The following SMIM35 variants were observed in gnomAD, a reference collection of about 807,000 sequenced individuals.
SMIM35 encodes small integral membrane protein 35, also known as TMPRSS4 antisense RNA 1 (non-protein coding).
At chr11:118,022,160 C>T (rs2058236045) in intron 1 of SMIM35, among the ~76,000 whole-genome samples, 1 of 150,536 alleles carries the variant, frequency 6.6e-6, no homozygotes, top group Admixed American at 6.7e-5. Flanking sequence ...AAGTGATTCT[C>T]CTGCCTCAGC....
intron 1 of SMIM35, among the ~76,000 whole-genome samples, chr11:118,033,610 G>A (rs2058336082): frequency 6.6e-6 from 1 of 152,142 alleles, no homozygotes; most frequent in African/African-American, 2.4e-5. Flanking sequence ...CTCAAACATG[G>A]AAGGGTGAAC....
chr11:118,077,791 C>A (rs769548291), intron 1 of SMIM35, among the ~76,000 whole-genome samples: 2 of 152,012 alleles, frequency 1.3e-5, no homozygotes, highest in Non-Finnish European at 2.9e-5. Flanking sequence ...GCAGACAGAT[C>A]TCTCGAGGTC....
intron 1 of SMIM35, among the ~76,000 whole-genome samples, chr11:118,045,192 G>T (rs903266323): frequency 3.3e-5 from 5 of 152,122 alleles, no homozygotes; most frequent in African/African-American, 1.2e-4. Flanking sequence ...GTTTTATGGA[G>T]CCTACACTTT....
At chr11:118,021,390 C>T (rs950016468) in intron 1 of SMIM35, among the ~76,000 whole-genome samples, 6 of 152,060 alleles carry the variant, frequency 3.9e-5, no homozygotes, top group African/African-American at 1.2e-4. Flanking sequence ...TGCTATTAAT[C>T]ATCCTTAGTG....
chr11:118,076,825 T>C (rs369874140), intron 1 of SMIM35, among the ~76,000 whole-genome samples: 4 of 151,764 alleles, frequency 2.6e-5, no homozygotes, highest in Middle Eastern at 3.4e-3. Context: ...ACCTAGAAGG[T>C]AGGGGGAGGG....
intron 1 of SMIM35, among the ~76,000 whole-genome samples, chr11:118,057,348 C>T (rs1485176122): frequency 6.6e-6 from 1 of 152,176 alleles, no homozygotes; most frequent in Non-Finnish European, 1.5e-5. Flanking sequence ...TCTCTGCTTC[C>T]TCTGTGCAGT....
At chr11:118,035,898 T>TGTTTGACAGAGTCGAGTCTCGCTCTA (rs2058356214) in intron 1 of SMIM35, among the ~76,000 whole-genome samples, 1 of 152,206 alleles carries the variant, frequency 6.6e-6, no homozygotes, top group Non-Finnish European at 1.5e-5. Flanking sequence ...TTTGTTTGTT[T>TGTTTGACAGAGTCGAGTCTCGCTCTA]GTTTGACAGA....
chr11:118,064,216 C>T (rs1458043350), intron 1 of SMIM35, among the ~76,000 whole-genome samples: 1 of 152,284 alleles, frequency 6.6e-6, no homozygotes, highest in African/African-American at 2.4e-5. Context: ...ATGATTGTGG[C>T]GTGAGAACCA....
At chr11:118,039,654 G>A (rs1448502700) in intron 1 of SMIM35, among the ~76,000 whole-genome samples, 1 of 151,944 alleles carries the variant, frequency 6.6e-6, no homozygotes, top group Non-Finnish European at 1.5e-5. Flanking sequence ...AGGATGCAGT[G>A]AGCCATGACC....
At chr11:118,012,524 G>C (rs1454084958) in intron 4 of SMIM35, among the ~76,000 whole-genome samples, 1 of 152,206 alleles carries the variant, frequency 6.6e-6, no homozygotes, top group Non-Finnish European at 1.5e-5. Context: ...GCAGAACACT[G>C]TAATGTAGAA....
At chr11:118,054,159 TTTTTGTTTTG>T (rs1322467022) in intron 1 of SMIM35, among the ~76,000 whole-genome samples, 1 of 115,160 alleles carries the variant, frequency 8.7e-6, no homozygotes, top group Non-Finnish European at 1.9e-5. Context: ...TTTTGGGATT[TTTTTGTTTTG>T]TTTTTTTGTT....
At chr11:118,059,840 G>A (rs1944369625) in intron 1 of SMIM35, among the ~76,000 whole-genome samples, 2 of 152,194 alleles carry the variant, frequency 1.3e-5, no homozygotes, top group Admixed American at 1.3e-4. Flanking sequence ...AATCCTACTG[G>A]ATAAACTTGT....
At chr11:118,057,009 C>T (rs1049157950) in intron 1 of SMIM35, among the ~76,000 whole-genome samples, 12 of 152,250 alleles carry the variant, frequency 7.9e-5, no homozygotes, top group African/African-American at 2.9e-4. Flanking sequence ...AGGTTGGCCG[C>T]TCACTCCCCA....
At chr11:118,084,069 C>T (rs1160659163) in intron 1 of SMIM35, among the ~76,000 whole-genome samples, 1 of 152,156 alleles carries the variant, frequency 6.6e-6, no homozygotes, top group Non-Finnish European at 1.5e-5. Flanking sequence ...TTATCGTACT[C>T]TTACCGTGCA....
intron 1 of SMIM35, among the ~76,000 whole-genome samples, chr11:118,079,166 C>T (rs1359050974): frequency 6.6e-6 from 1 of 152,116 alleles, no homozygotes; most frequent in Non-Finnish European, 1.5e-5. Flanking sequence ...AAGTTTCTAG[C>T]CCCGGAGCTA....
At chr11:118,007,269 C>T (rs779164916) in intron 4 of SMIM35, among the ~76,000 whole-genome samples, 1 of 152,252 alleles carries the variant, frequency 6.6e-6, no homozygotes, top group Non-Finnish European at 1.5e-5. Context: ...AATAGCCTCC[C>T]AGCTGGAAGG....
At chr11:118,073,481 A>T (rs1397601054) in intron 1 of SMIM35, among the ~76,000 whole-genome samples, 3 of 152,168 alleles carry the variant, frequency 2.0e-5, no homozygotes, top group Admixed American at 6.5e-5. Context: ...TTTTTTTCAA[A>T]AAGCAACAGA....
chr11:118,035,020 C>T (rs938329310), intron 1 of SMIM35, among the ~76,000 whole-genome samples: 1 of 151,042 alleles, frequency 6.6e-6, no homozygotes, highest in Non-Finnish European at 1.5e-5. Context: ...GGCACAATCT[C>T]AGCTCACTGC....
At chr11:118,058,604 A>T (rs1383432426) in intron 1 of SMIM35, among the ~76,000 whole-genome samples, 2 of 152,166 alleles carry the variant, frequency 1.3e-5, no homozygotes, top group Non-Finnish European at 2.9e-5. Flanking sequence ...CAAGAGAAAA[A>T]TCAGAACCTC....
Sources: gnomAD v4.1 joint callset for allele counts (sites outside exome capture counted in the v4.1 genomes callset) on GRCh38, gnomAD v4.1.1 for gene constraint, MANE v1.5 for transcripts, NCBI Gene and HGNC (gene_info 2026-07-23, HGNC 2026-07-21) for gene names.